Variants in PIGK observed in about 807,000 individuals in gnomAD.
The protein encoded by PIGK is phosphatidylinositol glycan anchor biosynthesis class K.
In PIGK, 42 loss-of-function variants were observed where a neutral mutation model predicts 50.6. The observed-to-expected ratio is 0.83, with a 90% CI of 0.65 to 1.07. PIGK has a LOEUF of 1.07. PIGK is among the 50% of genes least tolerant of loss of function. PIGK has a pLI of 0.00. For missense variants in PIGK, 448 were observed against 488.7 expected, an observed-to-expected ratio of 0.92 and a Z score of 0.78; for synonymous variants, 151 against 156.0, an observed-to-expected ratio of 0.97 and a Z score of 0.24.
chr1:77,166,694 T>C, intron 5 of PIGK, 25 bp downstream of exon 5: 1 of 1,180,792 alleles, frequency 8.5e-7, no homozygotes, highest in South Asian at 1.4e-5. Context: ...TACTCTACTA[T>C]AAAAACTCTA....
intron 3 of PIGK, among the ~76,000 whole-genome samples, chr1:77,185,980 A>G (rs1312810925): frequency 1.3e-5 from 2 of 152,212 alleles, no homozygotes; most frequent in Admixed American, 6.5e-5. Flanking sequence ...TGAACCGCCT[A>G]TCATGAACTG....
At chr1:77,124,389 T>A (rs557392278) in intron 9 of PIGK, among the ~76,000 whole-genome samples, 1 of 152,038 alleles carries the variant, frequency 6.6e-6, no homozygotes, top group South Asian at 2.1e-4. Flanking sequence ...CGGGTGCATC[T>A]CTTGAAGTCA....
At chr1:77,198,172 T>C (rs1245219771) in intron 3 of PIGK, among the ~76,000 whole-genome samples, 1 of 152,120 alleles carries the variant, frequency 6.6e-6, no homozygotes. Context: ...TTTATCTTTA[T>C]TTTCAATGAA....
chr1:77,123,211 T>C (rs910622853), intron 9 of PIGK, among the ~76,000 whole-genome samples: 1 of 152,120 alleles, frequency 6.6e-6, no homozygotes, highest in Non-Finnish European at 1.5e-5. Flanking sequence ...AAATAGCAAG[T>C]AAACATTTGA....
At chr1:77,133,292 G>A (rs560370307) in intron 9 of PIGK, among the ~76,000 whole-genome samples, 6 of 152,092 alleles carry the variant, frequency 3.9e-5, no homozygotes, top group African/African-American at 1.4e-4. Context: ...GCCATCGATT[G>A]AGTTCTTAAC....
At chr1:77,202,188 A>C (rs545147015) in intron 3 of PIGK, among the ~76,000 whole-genome samples, 4 of 152,330 alleles carry the variant, frequency 2.6e-5, no homozygotes, top group Admixed American at 2.6e-4. Flanking sequence ...TAGACTAATG[A>C]GGTTCTACTT....
intron 3 of PIGK, among the ~76,000 whole-genome samples, chr1:77,187,572 T>C (rs1655779444): frequency 6.6e-6 from 1 of 152,202 alleles, no homozygotes; most frequent in South Asian, 2.1e-4. Context: ...TCAGTTACAG[T>C]GACTGACCCA....
At chr1:77,110,316 A>G (rs1186258923) in intron 10 of PIGK, among the ~76,000 whole-genome samples, 1 of 152,170 alleles carries the variant, frequency 6.6e-6, no homozygotes, top group African/African-American at 2.4e-5. Flanking sequence ...ATCCTAAGCC[A>G]AAAGAACAAA....
intron 1 of PIGK, among the ~76,000 whole-genome samples, chr1:77,219,090 C>T (rs1656657625): frequency 6.6e-6 from 1 of 152,208 alleles, no homozygotes; most frequent in South Asian, 2.1e-4. Flanking sequence ...ATCAGGTCCT[C>T]CTCTGTCTCC....
intron 3 of PIGK, among the ~76,000 whole-genome samples, chr1:77,173,719 A>C (rs761147702): frequency 6.6e-6 from 1 of 152,236 alleles, no homozygotes; most frequent in Non-Finnish European, 1.5e-5. Context: ...TCTGTTATAA[A>C]GAGTACTTTA....
At chr1:77,214,096 C>G (rs1656492565) in intron 1 of PIGK, among the ~76,000 whole-genome samples, 1 of 152,074 alleles carries the variant, frequency 6.6e-6, no homozygotes, top group Non-Finnish European at 1.5e-5. Flanking sequence ...TGAATTCTAC[C>G]AAACTTTTAA....
intron 3 of PIGK, among the ~76,000 whole-genome samples, chr1:77,178,916 G>GT (rs1325637310): frequency 3.3e-5 from 5 of 152,174 alleles, no homozygotes; most frequent in African/African-American, 7.2e-5. Context: ...CACTAATGCC[G>GT]TAAGTTTTGG....
intron 3 of PIGK, among the ~76,000 whole-genome samples, chr1:77,197,770 T>C (rs548917398): frequency 1.3e-5 from 2 of 152,298 alleles, no homozygotes; most frequent in South Asian, 2.1e-4. Flanking sequence ...TGAAACACTA[T>C]TAACTGCCTC....
intron 9 of PIGK, among the ~76,000 whole-genome samples, chr1:77,142,656 G>A (rs1292283961): frequency 6.6e-6 from 1 of 152,066 alleles, no homozygotes; most frequent in Admixed American, 6.6e-5. Flanking sequence ...TTCTTCATAT[G>A]GTGGCAGGAG....
intron 5 of PIGK, among the ~76,000 whole-genome samples, chr1:77,165,908 G>A (rs1212240395): frequency 6.6e-6 from 1 of 152,116 alleles, no homozygotes; most frequent in East Asian, 1.9e-4. Context: ...GGAAACATCA[G>A]TCACCCTAGA....
At chr1:77,173,983 A>G (rs1655423857) in intron 3 of PIGK, among the ~76,000 whole-genome samples, 1 of 152,240 alleles carries the variant, frequency 6.6e-6, no homozygotes, top group Non-Finnish European at 1.5e-5. Context: ...AGCAGTTAAA[A>G]GCCTTTGCAA....
At chr1:77,111,374 C>T (rs370045794) in intron 10 of PIGK, among the ~76,000 whole-genome samples, 3 of 151,924 alleles carry the variant, frequency 2.0e-5, no homozygotes, top group African/African-American at 7.3e-5. Context: ...CCATCAATGA[C>T]AGACTGGATT....
At chr1:77,209,513 G>A (rs1320770316) in intron 2 of PIGK, among the ~76,000 whole-genome samples, 1 of 152,060 alleles carries the variant, frequency 6.6e-6, no homozygotes, top group African/African-American at 2.4e-5. Context: ...TAGCTGACTT[G>A]AATTTAGAAA....
chr1:77,094,708 T>C (rs1653369663), intron 10 of PIGK, among the ~76,000 whole-genome samples: 1 of 152,098 alleles, frequency 6.6e-6, no homozygotes, highest in South Asian at 2.1e-4. Flanking sequence ...AAAAATAGCA[T>C]CTTTGAAAGT....
Sources: allele counts gnomAD v4.1 joint callset (sites outside exome capture counted in the v4.1 genomes callset), GRCh38; gene constraint gnomAD v4.1.1; transcripts MANE v1.5; gene names NCBI Gene and HGNC (gene_info 2026-07-23, HGNC 2026-07-21).